RBMS3: variants seen among roughly 807,000 people sequenced by gnomAD.
RBMS3 encodes RNA-binding motif, single-stranded-interacting protein 3.
RBMS3 carries 27 observed loss-of-function variants against 66.8 expected under a neutral mutation model. The ratio of observed to expected loss-of-function variants is 0.40; its 90% CI spans 0.30 to 0.56. The LOEUF is 0.56. Ranked by LOEUF, RBMS3 falls within the 20% of genes least tolerant of loss-of-function variation. The probability of loss-of-function intolerance (pLI) is 0.40; values close to 1 mark genes in which losing one functional copy is unlikely to be tolerated. For missense variants in RBMS3, 513 were observed against 549.5 expected (o/e 0.93, Z 0.66); for synonymous variants, 188 against 183.0 (o/e 1.03, Z -0.22).
chr3:29,514,650 CATATATATATATAT>C (rs10601940), intron 3 of RBMS3, among the ~76,000 whole-genome samples: 2 of 103,690 alleles, frequency 1.9e-5, no homozygotes, highest in Admixed American at 1.0e-4. Flanking sequence ...GTGATAGGCA[CATATATATATATAT>C]ATATATATAT....
At chr3:29,997,036 A>C (rs1308184639) in intron 14 of RBMS3, among the ~76,000 whole-genome samples, 1 of 151,618 alleles carries the variant, frequency 6.6e-6, no homozygotes, top group African/African-American at 2.4e-5. Context: ...CTAATAAAGA[A>C]AAAAAGAGAG....
intron 1 of RBMS3, among the ~76,000 whole-genome samples, chr3:29,301,745 T>C (rs946113993): frequency 6.6e-6 from 1 of 152,072 alleles, no homozygotes; most frequent in Non-Finnish European, 1.5e-5. Context: ...TCTCAAACTT[T>C]AGCATGCTTA....
chr3:29,890,836 C>A (rs540909296), intron 8 of RBMS3, among the ~76,000 whole-genome samples: 1 of 151,472 alleles, frequency 6.6e-6, no homozygotes, highest in East Asian at 1.9e-4. Context: ...TAGGGTGAGA[C>A]GGAAACTTAT....
chr3:29,589,785 C>G (rs2047662995), intron 4 of RBMS3, among the ~76,000 whole-genome samples: 1 of 152,048 alleles, frequency 6.6e-6, no homozygotes, highest in African/African-American at 2.4e-5. Flanking sequence ...CCTCTTGCAT[C>G]CTTGTTCTTA....
chr3:29,930,702 T>C (rs780979125), intron 10 of RBMS3, among the ~76,000 whole-genome samples: 2 of 151,704 alleles, frequency 1.3e-5, no homozygotes, highest in African/African-American at 2.4e-5. Context: ...ATGAAATATG[T>C]ACATATACAA....
At chr3:29,989,975 G>A (rs1422974494) in intron 13 of RBMS3, among the ~76,000 whole-genome samples, 1 of 152,106 alleles carries the variant, frequency 6.6e-6, no homozygotes, top group Non-Finnish European at 1.5e-5. Context: ...ACATTTGACA[G>A]CGTGGCTTAT....
chr3:29,494,174 T>A (rs1015972638), intron 3 of RBMS3, among the ~76,000 whole-genome samples: 1 of 152,198 alleles, frequency 6.6e-6, no homozygotes, highest in Non-Finnish European at 1.5e-5. Flanking sequence ...TCCTTAGAGA[T>A]AAAAAGAAAA....
intron 3 of RBMS3, among the ~76,000 whole-genome samples, chr3:29,539,415 C>G (rs1224249918): frequency 1.3e-5 from 2 of 152,168 alleles, no homozygotes; most frequent in Admixed American, 6.5e-5. Context: ...TGGTCCTACA[C>G]AAGTAGCCTC....
intron 3 of RBMS3, among the ~76,000 whole-genome samples, chr3:29,539,103 A>C (rs1215966913): frequency 1.3e-5 from 2 of 152,238 alleles, no homozygotes; most frequent in African/African-American, 2.4e-5. Context: ...CTTCTGACTC[A>C]GTTCCATTCT....
In RBMS3 at chr3:29,936,080, T is replaced by C. The variant is rs765742765; in HGVS notation, c.940-6T>C. On this transcript the variant is annotated splice_region_variant and splice_polypyrimidine_tract_variant and intron_variant, in intron 10 of 14. Coordinates refer to ENST00000383767, the MANE Select transcript of RBMS3 (RefSeq NM_001003793.3). ...ATTTTCAAATGGACATTGTATATGC[T>C]TGTAGGGTGCTGTGATTACACCAAC... The C allele has an allele frequency of 6.2e-7, 1 of 1,610,730 alleles. No individual in the cohort carries two copies. The highest frequency in any genetic ancestry group is 8.5e-7 in the Non-Finnish European group (1 of 1,177,850).
intron 1 of RBMS3, among the ~76,000 whole-genome samples, chr3:29,314,553 A>G (rs2034563956): frequency 6.6e-6 from 1 of 151,624 alleles, no homozygotes; most frequent in Non-Finnish European, 1.5e-5. Context: ...CTGTTGCTTA[A>G]AGGTTAAGAG....
intron 6 of RBMS3, among the ~76,000 whole-genome samples, chr3:29,774,995 T>A (rs2056372425): frequency 6.6e-6 from 1 of 151,764 alleles, no homozygotes; most frequent in Non-Finnish European, 1.5e-5. Flanking sequence ...CTTCAATAAT[T>A]TTTCAGAGTG....
At chr3:29,733,070 A>G (rs1212215793) in intron 4 of RBMS3, among the ~76,000 whole-genome samples, 1 of 152,176 alleles carries the variant, frequency 6.6e-6, no homozygotes, top group Non-Finnish European at 1.5e-5. Context: ...AAACATTTAA[A>G]ATATTAAAAA....
intron 6 of RBMS3, 131 bp downstream of exon 6, chr3:29,763,120 A>C (rs2055769034): frequency 1.7e-6 from 1 of 600,616 alleles, no homozygotes; most frequent in Non-Finnish European, 2.9e-6. Context: ...GTGTATTTTC[A>C]AATAATACTG....
At chr3:29,753,112 G>A (rs2055254715) in intron 5 of RBMS3, among the ~76,000 whole-genome samples, 1 of 152,146 alleles carries the variant, frequency 6.6e-6, no homozygotes, top group African/African-American at 2.4e-5. Flanking sequence ...CAGAAAGCTG[G>A]TATTTTCAAC....
At chr3:29,497,942 T>G (rs1430772905) in intron 3 of RBMS3, among the ~76,000 whole-genome samples, 1 of 150,208 alleles carries the variant, frequency 6.7e-6, no homozygotes, top group African/African-American at 2.5e-5. Context: ...CAGATGCATA[T>G]GTTTCTCAGA....
chr3:29,908,982 A>T (rs957185149), intron 10 of RBMS3, among the ~76,000 whole-genome samples: 1 of 152,150 alleles, frequency 6.6e-6, no homozygotes, highest in East Asian at 1.9e-4. Flanking sequence ...TGACATAAAG[A>T]TGACCTTAAA....
At chr3:29,934,435 C>A (rs1184569637) in intron 10 of RBMS3, among the ~76,000 whole-genome samples, 1 of 151,920 alleles carries the variant, frequency 6.6e-6, no homozygotes, top group South Asian at 2.1e-4. Flanking sequence ...ACAACAAATA[C>A]CTGAAATGAA....
chr3:29,829,941 C>T (rs1282108701), intron 6 of RBMS3, among the ~76,000 whole-genome samples: 1 of 151,974 alleles, frequency 6.6e-6, no homozygotes, highest in Non-Finnish European at 1.5e-5. Context: ...CGCTTCCTGT[C>T]CCTCTATCCC....
Sources: allele counts gnomAD v4.1 joint callset (sites outside exome capture counted in the v4.1 genomes callset), GRCh38; gene constraint gnomAD v4.1.1; transcripts MANE v1.5; gene names NCBI Gene and HGNC (gene_info 2026-07-23, HGNC 2026-07-21).